C5orf58: variants seen among roughly 807,000 people sequenced by gnomAD.
C5orf58 encodes putative uncharacterized protein C5orf58.
Under a neutral mutation model 2.9 loss-of-function variants are expected in C5orf58, and 2 were observed. That is an observed-to-expected ratio of 0.69 (90% CI 0.28 to 2.18). The LOEUF (loss-of-function observed/expected upper bound fraction) is 2.18. Ranked by LOEUF, C5orf58 falls within the 30% of genes most tolerant of loss-of-function variation. The pLI, the probability that C5orf58 is intolerant of heterozygous loss-of-function variation, is 0.13. For synonymous variants in C5orf58, 37 were observed against 33.4 expected, an observed-to-expected ratio of 1.11 and a Z score of -0.37; for missense variants, 96 against 91.7, an observed-to-expected ratio of 1.05 and a Z score of -0.19.
intron 2 of C5orf58, chr5:170,251,463 A>G (rs1761440993): frequency 7.6e-6 from 2 of 262,548 alleles, no homozygotes; most frequent in South Asian, 3.9e-5. Context: ...ATTGTCCTGT[A>G]CTTTAAATTT....
downstream of C5orf58, among the ~76,000 whole-genome samples, chr5:170,249,843 C>T (rs1488667242): frequency 6.6e-6 from 1 of 152,210 alleles, no homozygotes; most frequent in Non-Finnish European, 1.5e-5. Flanking sequence ...CTAGGTGCCT[C>T]CCTCCATGGG....
intron 3 of C5orf58, chr5:170,237,397 G>A (rs1760788620): frequency 2.5e-6 from 1 of 397,790 alleles, no homozygotes; most frequent in Non-Finnish European, 4.4e-6. Flanking sequence ...ATTTACAGAT[G>A]TGTAAATAGA....
chr5:170,235,853 TACA>T (rs1760719725), intron 3 of C5orf58, among the ~76,000 whole-genome samples: 2 of 152,128 alleles, frequency 1.3e-5, no homozygotes, highest in Non-Finnish European at 2.9e-5. Context: ...ACTTAACTTA[TACA>T]ATAAGGAAAA....
At chr5:170,245,852 C>G in intron 3 of C5orf58, 110 bp from the exon 4 acceptor site, 1 of 1,081,840 alleles carries the variant, frequency 9.2e-7, no homozygotes, top group South Asian at 1.6e-5. Flanking sequence ...GTGGTTTGAT[C>G]ACTAATCACT....
At chr5:170,234,870 A>C (rs1429348360) in intron 2 of C5orf58, 107 bp from the exon 3 acceptor site, 1 of 535,722 alleles carries the variant, frequency 1.9e-6, no homozygotes, top group African/African-American at 2.0e-5. Flanking sequence ...TTGTTTCATA[A>C]TTATTTCTGA....
chr5:170,239,075 G>A (rs1760865912), intron 3 of C5orf58, among the ~76,000 whole-genome samples: 1 of 152,212 alleles, frequency 6.6e-6, no homozygotes, highest in Non-Finnish European at 1.5e-5. Context: ...GAAGGCTCCA[G>A]GAGAGGAGAG....
chr5:170,248,881 C>T, downstream of C5orf58: 1 of 1,562,256 alleles, frequency 6.4e-7, no homozygotes, highest in Non-Finnish European at 8.8e-7. Flanking sequence ...ACTTCACTTT[C>T]AGTTTTTTTA....
At chr5:170,250,456 A>T (rs566084257), downstream of C5orf58, among the ~76,000 whole-genome samples, 3 of 152,368 alleles carry the variant, frequency 2.0e-5, no homozygotes, top group Admixed American at 6.5e-5. Flanking sequence ...ACACCATCTA[A>T]ATAGATTTTT....
chr5:170,235,638 CACT>C, intron 3 of C5orf58, among the ~76,000 whole-genome samples: 1 of 152,310 alleles, frequency 6.6e-6, no homozygotes, highest in Middle Eastern at 3.4e-3. Flanking sequence ...CTTCCTGTCT[CACT>C]AGTCAATCCA....
intron 3 of C5orf58, 61 bp from the exon 4 acceptor site, chr5:170,245,901 A>C: frequency 6.7e-7 from 1 of 1,486,936 alleles, no homozygotes; most frequent in Non-Finnish European, 9.2e-7. Context: ...TACTTAAAGC[A>C]ATAATAGTTT....
At chr5:170,238,403 A>C (rs1207375336) in intron 3 of C5orf58, among the ~76,000 whole-genome samples, 1 of 152,178 alleles carries the variant, frequency 6.6e-6, no homozygotes, top group East Asian at 1.9e-4. Flanking sequence ...ATTCCTCTAG[A>C]GTGTAAACAA....
intron 3 of C5orf58, among the ~76,000 whole-genome samples, chr5:170,241,276 A>G (rs1275885575): frequency 4.0e-5 from 6 of 151,844 alleles, no homozygotes; most frequent in Non-Finnish European, 8.8e-5. Context: ...TTTTGGTTCC[A>G]TATGAACTTT....
At chr5:170,244,610 G>T (rs1377130167) in intron 3 of C5orf58, among the ~76,000 whole-genome samples, 2 of 151,984 alleles carry the variant, frequency 1.3e-5, no homozygotes, top group Non-Finnish European at 2.9e-5. Context: ...TAGTTCTCGA[G>T]CCTTGGTTTT....
intron 3 of C5orf58, among the ~76,000 whole-genome samples, chr5:170,239,706 G>C (rs1760899790): frequency 6.6e-6 from 1 of 152,046 alleles, no homozygotes; most frequent in African/African-American, 2.4e-5. Context: ...ATATAGCCGA[G>C]AAGTTGGGCT....
At position 170,239,901 on chromosome 5, in the gene C5orf58, A is replaced by G. The variant is rs376459678; in HGVS notation, c.94+4831A>G. ...TAACTCGTCATCTAGCATTATGTGT[A>G]TCTCCCAATGCTATCCCTCCCCCGT... On this transcript the variant is annotated intron_variant, in intron 3 of 3. Coordinates refer to ENST00000593851, the MANE Select transcript of C5orf58 (RefSeq NM_001102609.3). Among the ~76,000 whole-genome samples the G allele has an allele frequency of 1.4e-3, 215 of 152,076 alleles. 4 individuals are homozygous for G. The South Asian group carries it at 0.027, about 19-fold the overall frequency.
At chr5:170,251,527 A>C (rs755073438) in intron 2 of C5orf58, 61 of 372,986 alleles carry the variant, frequency 1.6e-4, no homozygotes, top group Non-Finnish European at 3.2e-4. Context: ...TCTAATATTA[A>C]AATAGAATTA....
chr5:170,244,185 G>A lies in C5orf58; in HGVS notation c.95-1777G>A, dbSNP rs1215164718. Reference sequence around the variant, plus strand: ...ATGGGCTTCCCTTTGAGGGTAACCCGACCTTTCTCTCTGGCTGCCCTTAAC... The same window carrying A: ...ATGGGCTTCCCTTTGAGGGTAACCCAACCTTTCTCTCTGGCTGCCCTTAAC... On this transcript the variant is annotated intron_variant, in intron 3 of 3. Coordinates refer to ENST00000593851, the MANE Select transcript of C5orf58 (RefSeq NM_001102609.3). Among the ~76,000 whole-genome samples the A allele has an allele frequency of 2.0e-4, 29 of 147,762 alleles. No individual in the cohort carries two copies. The South Asian group carries it at 2.4e-3, about 12-fold the overall frequency.
exon 3 of C5orf58, chr5:170,252,024 G>C (rs1389478780): frequency 5.0e-6 from 1 of 199,362 alleles, no homozygotes; most frequent in Non-Finnish European, 1.1e-5. Flanking sequence ...AAAGCAAAAA[G>C]TTGCTGCCAT....
At chr5:170,248,483 C>T (rs1761349086), downstream of C5orf58, 3 of 477,866 alleles carry the variant, frequency 6.3e-6, no homozygotes, top group Non-Finnish European at 1.1e-5. Context: ...GAACATGACT[C>T]ATGCACTTTA....
Sources: allele counts gnomAD v4.1 joint callset (sites outside exome capture counted in the v4.1 genomes callset), GRCh38; gene constraint gnomAD v4.1.1; transcripts MANE v1.5; gene names NCBI Gene and HGNC (gene_info 2026-07-23, HGNC 2026-07-21).